Variants in EEPD1 observed in about 807,000 individuals in gnomAD.
The protein encoded by EEPD1 is endonuclease/exonuclease/phosphatase family domain-containing protein 1.
In EEPD1, 17 loss-of-function variants were observed where a neutral mutation model predicts 46.3. The observed-to-expected ratio is 0.37, with a 90% CI of 0.25 to 0.55. The LOEUF (loss-of-function observed/expected upper bound fraction) is 0.55. Among genes scored for constraint, EEPD1 ranks in the 20% least tolerant of loss-of-function variants. EEPD1 has a pLI of 0.83. For synonymous variants in EEPD1, 313 were observed against 315.6 expected (o/e 0.99, Z 0.09); for missense variants, 673 against 745.6 (o/e 0.90, Z 1.13).
At chr7:36,164,680 G>A (rs1205934454) in intron 2 of EEPD1, among the ~76,000 whole-genome samples, 2 of 152,122 alleles carry the variant, frequency 1.3e-5, no homozygotes, top group African/African-American at 4.8e-5. Flanking sequence ...GTCAATCTCT[G>A]GAGAAGACAG....
At chr7:36,173,842 G>A (rs953894793) in intron 2 of EEPD1, among the ~76,000 whole-genome samples, 1 of 152,090 alleles carries the variant, frequency 6.6e-6, no homozygotes, top group African/African-American at 2.4e-5. Flanking sequence ...CCTTCCTTAT[G>A]ACACATGGTG....
chr7:36,279,369 C>G (rs1787227013), intron 3 of EEPD1, among the ~76,000 whole-genome samples: 1 of 152,194 alleles, frequency 6.6e-6, no homozygotes, highest in Non-Finnish European at 1.5e-5. Flanking sequence ...CTAAAGTAGA[C>G]CTCCCAGCAC....
intron 2 of EEPD1, among the ~76,000 whole-genome samples, chr7:36,159,693 G>C (rs1784873299): frequency 6.6e-6 from 1 of 152,228 alleles, no homozygotes; most frequent in African/African-American, 2.4e-5. Context: ...GAAAAGGAGG[G>C]CTTCCCTACA....
intron 3 of EEPD1, among the ~76,000 whole-genome samples, chr7:36,273,651 C>T (rs1043199903): frequency 6.6e-5 from 10 of 152,154 alleles, no homozygotes; most frequent in Admixed American, 6.5e-4. Context: ...CCCCTCCCTC[C>T]TGCCTTTTCC....
At chr7:36,249,439 T>C (rs1729154226) in intron 3 of EEPD1, among the ~76,000 whole-genome samples, 1 of 152,010 alleles carries the variant, frequency 6.6e-6, no homozygotes, top group Admixed American at 6.6e-5. Flanking sequence ...AAATGATCGA[T>C]AAAAATGGAG....
rs369979437 is a variant in EEPD1 at position 36,296,958 on chromosome 7, A to T, written c.1316-35A>T. On this transcript the variant is annotated intron_variant, in intron 6 of 7. Coordinates refer to ENST00000242108, the MANE Select transcript of EEPD1 (RefSeq NM_030636.3). ...TCAGTGTTGGGTTTTACTTCCCAACAACTCTTAAACTCATTTTCTTCCTTC... is the reference window on the plus strand; with the variant it reads ...TCAGTGTTGGGTTTTACTTCCCAACTACTCTTAAACTCATTTTCTTCCTTC... 45 of 1,608,114 alleles carry T rather than the reference A, an allele frequency of 2.8e-5. No homozygotes were observed. In the Middle Eastern group the frequency reaches 6.6e-4, roughly 24 times the overall value.
At chr7:36,187,497 G>T (rs1785380509) in intron 2 of EEPD1, among the ~76,000 whole-genome samples, 1 of 152,090 alleles carries the variant, frequency 6.6e-6, no homozygotes, top group Non-Finnish European at 1.5e-5. Flanking sequence ...GGTTTTTATG[G>T]TATTTGTCTT....
rs763707452 is a variant in EEPD1 at position 36,284,746 on chromosome 7, G to T, written c.1102G>T (p.Gly368Cys). The T allele has an allele frequency of 1.9e-6, 3 of 1,608,202 alleles. No individual in the cohort carries two copies. The African/African-American group carries it at 4.0e-5, about 22-fold the overall frequency. The change falls in exon 5 of 8, where the codon GGT becomes TGT. Residue 368 changes from glycine (G) to cysteine (C), a missense_variant. Physicochemically the swap from Gly to Cys is radical, Grantham distance 159 (BLOSUM62 -3). Transcript: ENST00000242108. ...TGCCGGCATGGAGCTGAGAGACGCG[G>T]GTTCACAGGAGAGCTCGCCAAGCAA... ...AAAGMELRDA[G>C]SQESSPSNGH...
At chr7:36,283,114 A>G (rs892651456) in intron 4 of EEPD1, among the ~76,000 whole-genome samples, 1 of 152,152 alleles carries the variant, frequency 6.6e-6, no homozygotes, top group African/African-American at 2.4e-5. Context: ...GTAAGATGAA[A>G]TGATTTGCCC....
chr7:36,249,144 A>C (rs551887320), intron 3 of EEPD1, among the ~76,000 whole-genome samples: 5 of 152,320 alleles, frequency 3.3e-5, no homozygotes, highest in African/African-American at 1.2e-4. Flanking sequence ...GCAAAAAAAC[A>C]GAGTCCCCAA....
Position 36,154,774 on chromosome 7 carries a change from G to T in EEPD1, c.450G>T (p.Val150=), listed in dbSNP as rs748434766. The T allele has an allele frequency of 3.1e-6, 5 of 1,614,166 alleles. No individual in the cohort carries two copies. Among genetic ancestry groups the T allele is most frequent in the Non-Finnish European group, 3.4e-6 (4 of 1,180,032 alleles). The change falls in exon 2 of 8, where the codon GTG becomes GTT. Residue 150 remains valine (V), a synonymous_variant. Coordinates refer to ENST00000242108, the MANE Select transcript of EEPD1 (RefSeq NM_030636.3). The surrounding 1 kb of genome is among the most constrained non-coding windows in gnomAD (Gnocchi z 4.2). ...CCACCCCGGCCCAGCTCATGAGCGT[G>T]CGAGGCCTCTCGGAGAAAATGGCCC... ...NTATPAQLMS[V]RGLSEKMALS... is the part of the protein sequence containing the mutation.
intron 2 of EEPD1, among the ~76,000 whole-genome samples, chr7:36,229,929 C>T (rs1240862048): frequency 2.0e-5 from 3 of 152,078 alleles, no homozygotes; most frequent in Non-Finnish European, 4.4e-5. Context: ...CTCCTGATGT[C>T]CAAATCTATA....
intron 2 of EEPD1, among the ~76,000 whole-genome samples, chr7:36,196,971 G>A (rs1215175774): frequency 2.6e-5 from 4 of 151,042 alleles, no homozygotes; most frequent in African/African-American, 7.3e-5. Flanking sequence ...AGTGAGGAGC[G>A]TCTCTGCCCG....
intron 2 of EEPD1, among the ~76,000 whole-genome samples, chr7:36,180,986 C>T (rs1023650940): frequency 1.6e-4 from 24 of 152,082 alleles, no homozygotes; most frequent in Non-Finnish European, 1.8e-4. Flanking sequence ...CCCCCAGCAG[C>T]GTTTCTTAAA....
chr7:36,191,623 C>T (rs1008775014), intron 2 of EEPD1, among the ~76,000 whole-genome samples: 5 of 152,188 alleles, frequency 3.3e-5, no homozygotes, highest in African/African-American at 1.2e-4. Flanking sequence ...TCACCCCACA[C>T]AGAAGAAGAG....
intron 3 of EEPD1, among the ~76,000 whole-genome samples, chr7:36,271,595 G>A (rs1236189555): frequency 6.6e-6 from 1 of 151,864 alleles, no homozygotes; most frequent in African/African-American, 2.4e-5. Flanking sequence ...CTTTTGCTGT[G>A]CAGAAGCTCT....
intron 3 of EEPD1, among the ~76,000 whole-genome samples, chr7:36,260,025 G>A (rs1322404351): frequency 6.6e-6 from 1 of 151,994 alleles, no homozygotes; most frequent in Non-Finnish European, 1.5e-5. Context: ...ACCTATATTA[G>A]ATTTCTATGT....
Position 36,172,692 on chromosome 7 carries a change from ATTC to A in EEPD1, c.878+17497_878+17499del, listed in dbSNP as rs1204526089. ...GTGTATTTTATGTGAGGCCAAGACA[ATTC>A]TTCTTCCATTGTGGCCCAGGGAAGC... On this transcript the variant is annotated intron_variant, in intron 2 of 7. Coordinates refer to ENST00000242108, the MANE Select transcript of EEPD1 (RefSeq NM_030636.3). 1.0e-4 allele frequency among the ~76,000 whole-genome samples: 15 copies of A among 145,302 alleles called. No homozygotes were observed. The South Asian group carries it at 1.7e-3, about 17-fold the overall frequency.
intron 2 of EEPD1, among the ~76,000 whole-genome samples, chr7:36,203,360 C>A (rs4720199): frequency 0.016 from 2,490 of 152,194 alleles, 68 homozygotes; most frequent in African/African-American, 0.057. Flanking sequence ...TGTTCATTTT[C>A]TTTCCTTTCC....
Sources: gnomAD v4.1 joint callset for allele counts (sites outside exome capture counted in the v4.1 genomes callset) on GRCh38, gnomAD v4.1.1 for gene constraint, Gnocchi (gnomAD v3.1) non-coding constraint, MANE v1.5 for transcripts, NCBI Gene and HGNC (gene_info 2026-07-23, HGNC 2026-07-21) for gene names.